Variants in TMEM132C observed in about 807,000 individuals in gnomAD.
TMEM132C encodes the protein transmembrane protein 132C, also known as protein phosphatase 1, regulatory subunit 152.
Under a neutral mutation model 61.4 loss-of-function variants are expected in TMEM132C, and 29 were observed. The observed-to-expected ratio is 0.47, with a 90% confidence interval of 0.35 to 0.64. The LOEUF (loss-of-function observed/expected upper bound fraction) is 0.64, where lower values mean the gene tolerates loss of function less well. Among genes scored for constraint, TMEM132C ranks in the 30% least tolerant of loss-of-function variants. TMEM132C has a pLI of 0.00. For missense variants in TMEM132C, 1,408 were observed against 1,476.9 expected (o/e 0.95, Z 0.76); for synonymous variants, 656 against 633.1 (o/e 1.04, Z -0.54).
chr12:128,417,123 A>G (rs1868808805), intron 2 of TMEM132C, among the ~76,000 whole-genome samples: 1 of 152,166 alleles, frequency 6.6e-6, no homozygotes, highest in South Asian at 2.1e-4. Flanking sequence ...CTTGGATTTG[A>G]AAAGATGCTG....
chr12:128,623,468 CAAAA>C lies in TMEM132C; in HGVS notation c.1305+7140_1305+7143del, dbSNP rs56335710. 2.4e-3 allele frequency among the ~76,000 whole-genome samples: 337 copies of C among 143,172 alleles called. 2 individuals carry two copies. Among genetic ancestry groups the C allele is most frequent in the Middle Eastern group, 0.011 (3 of 280 alleles). 93.9% of individuals were successfully genotyped at this position (143,172 alleles called of 152,430 possible). ...ATAATTTTAAAAAAATGAAACCTGC[CAAAA>C]AAAAAAGTAAAGCTATGTTCTAATT... On this transcript the variant is annotated intron_variant, in intron 4 of 8. Coordinates refer to ENST00000435159, the MANE Select transcript of TMEM132C (RefSeq NM_001136103.3).
chr12:128,683,084 C>T (rs1226679427), intron 5 of TMEM132C, among the ~76,000 whole-genome samples: 3 of 152,142 alleles, frequency 2.0e-5, no homozygotes, highest in Non-Finnish European at 1.5e-5. Context: ...GCAGGAGCTG[C>T]GGGAGAGAAA....
intron 1 of TMEM132C, among the ~76,000 whole-genome samples, chr12:128,364,740 C>T (rs1198934362): frequency 6.6e-6 from 1 of 152,172 alleles, no homozygotes; most frequent in Non-Finnish European, 1.5e-5. Context: ...TCTGAAGCTA[C>T]CATGGCCTGA....
chr12:128,461,073 CAG>C (rs975163628), intron 2 of TMEM132C, among the ~76,000 whole-genome samples: 5 of 152,242 alleles, frequency 3.3e-5, no homozygotes, highest in African/African-American at 1.2e-4. Flanking sequence ...ATAACAATAA[CAG>C]AATTCTATTG....
intron 5 of TMEM132C, among the ~76,000 whole-genome samples, chr12:128,681,817 ATTTTTTTTTTT>A (rs35154554): frequency 2.3e-5 from 2 of 86,446 alleles, no homozygotes; most frequent in East Asian, 3.5e-4. Flanking sequence ...CCACGCCTGG[ATTTTTTTTTTT>A]TTTTTTTTTT....
intron 3 of TMEM132C, among the ~76,000 whole-genome samples, chr12:128,596,165 C>T (rs113828778): frequency 4.9e-5 from 5 of 102,302 alleles, no homozygotes; most frequent in Middle Eastern, 9.6e-3. Context: ...AGAGGTGGCA[C>T]GGCTTGACTG....
Position 128,531,129 on chromosome 12 carries a change from G to GT in TMEM132C, c.975-12823dup, listed in dbSNP as rs1265528788. ...ATGAAGAAACATTCCTTTTGCTAAA[G>GT]TTTTTGCTGTAGGAGTAGCCCCTTG... On this transcript the variant is annotated intron_variant, in intron 2 of 8. Coordinates refer to ENST00000435159, the MANE Select transcript of TMEM132C (RefSeq NM_001136103.3). Among the ~76,000 whole-genome samples the GT allele has an allele frequency of 4.6e-5, 7 of 152,278 alleles. No homozygotes were observed. The South Asian group carries it at 1.4e-3, about 32-fold the overall frequency.
chr12:128,551,260 G>A (rs1483079331), intron 3 of TMEM132C, among the ~76,000 whole-genome samples: 1 of 151,706 alleles, frequency 6.6e-6, no homozygotes, highest in Non-Finnish European at 1.5e-5. Context: ...TAGACGGGGA[G>A]AGAGCATTTG....
At chr12:128,383,451 G>A (rs1874479638) in intron 1 of TMEM132C, among the ~76,000 whole-genome samples, 1 of 152,214 alleles carries the variant, frequency 6.6e-6, no homozygotes. Context: ...CTCAGGGACG[G>A]ATGCTTGAGC....
At position 128,669,468 on chromosome 12, in the gene TMEM132C, C is replaced by A; in HGVS notation, c.1357C>A (p.Pro453Thr). The A allele has an allele frequency of 6.4e-7, 1 of 1,551,656 alleles. No individual in the cohort carries two copies. The change falls in exon 5 of 9, where the codon CCT becomes ACT. Residue 453 changes from proline (P) to threonine (T), a missense_variant. By Grantham distance (38) the Pro-to-Thr change is conservative. Transcript: ENST00000435159. ...ACTCACAGGAAAGACAGTTGCCATG[C>A]CTATCAAGGTGGTCTCTGTGGAGGA... ...AVLTGKTVAM[P>T]IKVVSVEENS...
At chr12:128,462,810 AGAT>A (rs1870583748) in intron 2 of TMEM132C, among the ~76,000 whole-genome samples, 1 of 152,238 alleles carries the variant, frequency 6.6e-6, no homozygotes, top group African/African-American at 2.4e-5. Flanking sequence ...AAGAGAAAGA[AGAT>A]GAGAGCCCCA....
intron 5 of TMEM132C, among the ~76,000 whole-genome samples, chr12:128,673,396 G>C (rs780884934): frequency 2.6e-5 from 4 of 152,158 alleles, no homozygotes; most frequent in African/African-American, 9.7e-5. Context: ...CCCAGTCTTC[G>C]GAACTGTGAG....
intron 1 of TMEM132C, among the ~76,000 whole-genome samples, chr12:128,300,410 T>C (rs1422307582): frequency 6.6e-6 from 1 of 152,114 alleles, no homozygotes; most frequent in Non-Finnish European, 1.5e-5. Flanking sequence ...AAGGAGGCAT[T>C]ATGATGGGAG....
chr12:128,538,771 G>A (rs926999905), intron 2 of TMEM132C, among the ~76,000 whole-genome samples: 15 of 151,902 alleles, frequency 9.9e-5, no homozygotes, highest in Non-Finnish European at 7.4e-5. Flanking sequence ...TGGAGAATTA[G>A]GATATATCTC....
intron 3 of TMEM132C, among the ~76,000 whole-genome samples, chr12:128,602,558 A>C (rs1408178219): frequency 6.6e-6 from 1 of 152,212 alleles, no homozygotes; most frequent in African/African-American, 2.4e-5. Flanking sequence ...GGGGTGTACG[A>C]TTCCATCGTT....
intron 1 of TMEM132C, among the ~76,000 whole-genome samples, chr12:128,386,302 A>G (rs1874580957): frequency 6.6e-6 from 1 of 152,142 alleles, no homozygotes; most frequent in Non-Finnish European, 1.5e-5. Context: ...TTTCGCCAAC[A>G]TTTAACCCTC....
At chr12:128,585,705 A>T (rs894191628) in intron 3 of TMEM132C, among the ~76,000 whole-genome samples, 28 of 152,336 alleles carry the variant, frequency 1.8e-4, no homozygotes, top group African/African-American at 6.3e-4. Flanking sequence ...GTGTGCTACT[A>T]TTTGAGGTTA....
At chr12:128,673,103 G>A (rs1954549361) in intron 5 of TMEM132C, among the ~76,000 whole-genome samples, 1 of 152,172 alleles carries the variant, frequency 6.6e-6, no homozygotes, top group Non-Finnish European at 1.5e-5. Flanking sequence ...TCGAGAATGT[G>A]CATCTTTTAT....
intron 2 of TMEM132C, among the ~76,000 whole-genome samples, chr12:128,520,124 A>C (rs112721313): frequency 6.6e-6 from 1 of 152,216 alleles, no homozygotes; most frequent in African/African-American, 2.4e-5. Flanking sequence ...GCAAAGGCAC[A>C]TGCTGGGTTC....
Sources: allele counts gnomAD v4.1 joint callset (sites outside exome capture counted in the v4.1 genomes callset), GRCh38; gene constraint gnomAD v4.1.1; transcripts MANE v1.5; gene names NCBI Gene and HGNC (gene_info 2026-07-23, HGNC 2026-07-21).